Variants in CREB5 observed in about 807,000 individuals in gnomAD.
The protein encoded by CREB5 is cAMP responsive element binding protein 5, also known as cyclic AMP-responsive element-binding protein 5.
A neutral mutation model predicts 57.1 loss-of-function variants in CREB5; 19 were observed. The ratio of observed to expected loss-of-function variants is 0.33; its 90% confidence interval spans 0.23 to 0.49. The LOEUF is 0.49. Ranked by LOEUF, CREB5 falls within the 20% of genes least tolerant of loss-of-function variation. CREB5 has a pLI of 0.99. For missense variants in CREB5, 579 were observed against 671.6 expected, an observed-to-expected ratio of 0.86 and a Z score of 1.52; for synonymous variants, 238 against 238.3, an observed-to-expected ratio of 1.00 and a Z score of 0.01.
intron 1 of CREB5, among the ~76,000 whole-genome samples, chr7:28,358,242 T>G (rs546909269): frequency 6.6e-6 from 1 of 152,324 alleles, no homozygotes; most frequent in East Asian, 1.9e-4. Flanking sequence ...TCATAAACAC[T>G]GGGTTAAAAC....
chr7:28,553,444 G>A (rs779142561), intron 4 of CREB5, among the ~76,000 whole-genome samples: 26 of 152,156 alleles, frequency 1.7e-4, no homozygotes, highest in Admixed American at 6.5e-5. Context: ...ATTTGGGAAA[G>A]GAAATCAATT....
At chr7:28,560,141 A>G (rs1795021244) in intron 4 of CREB5, among the ~76,000 whole-genome samples, 1 of 152,218 alleles carries the variant, frequency 6.6e-6, no homozygotes, top group Non-Finnish European at 1.5e-5. Flanking sequence ...CATGATCCTC[A>G]TTTTGTACTT....
At chr7:28,401,805 C>A (rs1206355856) in intron 1 of CREB5, among the ~76,000 whole-genome samples, 1 of 152,218 alleles carries the variant, frequency 6.6e-6, no homozygotes, top group African/African-American at 2.4e-5. Flanking sequence ...TTAATCCAGT[C>A]TATCATTGAT....
intron 1 of CREB5, among the ~76,000 whole-genome samples, chr7:28,309,405 C>T (rs144485014): frequency 2.6e-3 from 392 of 152,268 alleles, no homozygotes; most frequent in Middle Eastern, 6.8e-3. Flanking sequence ...GATGCCATAA[C>T]CATGGCCAGT....
At chr7:28,622,074 T>C (rs914293941) in intron 5 of CREB5, among the ~76,000 whole-genome samples, 4 of 152,172 alleles carry the variant, frequency 2.6e-5, no homozygotes, top group Admixed American at 1.3e-4. Flanking sequence ...CACTGTGATA[T>C]GAAGTCATAT....
rs188979449 is a variant in CREB5 at position 28,487,277 on chromosome 7, C to T, written c.4-898C>T. Among the ~76,000 whole-genome samples, 110 of 152,210 alleles carry T rather than the reference C, an allele frequency of 7.2e-4. 2 individuals are homozygous for T. The highest frequency in any genetic ancestry group is 2.5e-3 in the African/African-American group (105 of 41,536). ...GTGCCGATTACATTAGTGATCCAAC[C>T]GCCTCAGATTAGATTACATTATCGA... On this transcript the variant is annotated intron_variant, in intron 1 of 10. Coordinates refer to ENST00000357727, the MANE Select transcript of CREB5 (RefSeq NM_182898.4).
Position 28,374,821 on chromosome 7 carries a change from C to G in CREB5, c.-25+75380C>G, listed in dbSNP as rs987939893. On this transcript the variant is annotated intron_variant, in intron 1 of 9. Coordinates refer to the CREB5 transcript ENST00000396299. Reference sequence around the variant, plus strand: ...CTCATCCCTTTGGGAATATCCATCCCAGGTTCACCTCATGCCCAGGTAGCC... The same window carrying G: ...CTCATCCCTTTGGGAATATCCATCCGAGGTTCACCTCATGCCCAGGTAGCC... Among the ~76,000 whole-genome samples, 7 of 152,292 alleles carry G rather than the reference C, an allele frequency of 4.6e-5. No homozygotes were observed. In the South Asian group the frequency reaches 8.3e-4, roughly 18 times the overall value.
chr7:28,372,900 C>A (rs1316427447), intron 1 of CREB5, among the ~76,000 whole-genome samples: 1 of 152,112 alleles, frequency 6.6e-6, no homozygotes, highest in Non-Finnish European at 1.5e-5. Flanking sequence ...AACTTGGGCT[C>A]CGGATAGCTA....
intron 7 of CREB5, among the ~76,000 whole-genome samples, chr7:28,755,952 G>A (rs956008458): frequency 1.3e-5 from 2 of 152,056 alleles, no homozygotes; most frequent in East Asian, 1.9e-4. Context: ...TGATAGTCCC[G>A]GGGTAGGGTG....
At chr7:28,729,199 A>G (rs1803483024) in intron 7 of CREB5, among the ~76,000 whole-genome samples, 1 of 152,206 alleles carries the variant, frequency 6.6e-6, no homozygotes, top group Non-Finnish European at 1.5e-5. Context: ...ACCTTCTCCA[A>G]TTCCTTCTTT....
intron 8 of CREB5, among the ~76,000 whole-genome samples, chr7:28,807,621 A>T (rs1278420194): frequency 6.6e-6 from 1 of 152,198 alleles, no homozygotes; most frequent in Non-Finnish European, 1.5e-5. Flanking sequence ...TAGTGCAATT[A>T]CAGTCATTCT....
chr7:28,627,901 T>A (rs1251974126), intron 5 of CREB5, among the ~76,000 whole-genome samples: 1 of 152,162 alleles, frequency 6.6e-6, no homozygotes, highest in Non-Finnish European at 1.5e-5. Flanking sequence ...ATTGTTATGG[T>A]GTGAGGCTGC....
chr7:28,317,178 C>T (rs1334928718), intron 1 of CREB5, among the ~76,000 whole-genome samples: 1 of 152,028 alleles, frequency 6.6e-6, no homozygotes, highest in East Asian at 1.9e-4. Context: ...GTTTCAGTTT[C>T]TCCCTGTTGC....
At chr7:28,479,456 G>T (rs1177408551) in intron 1 of CREB5, among the ~76,000 whole-genome samples, 2 of 152,250 alleles carry the variant, frequency 1.3e-5, no homozygotes, top group Non-Finnish European at 2.9e-5. Context: ...CTAACATTTA[G>T]AAAGAGAACC....
At chr7:28,300,283 T>G (rs1362830262) in intron 1 of CREB5, among the ~76,000 whole-genome samples, 1 of 152,108 alleles carries the variant, frequency 6.6e-6, no homozygotes, top group Non-Finnish European at 1.5e-5. Flanking sequence ...GAATGGGCTG[T>G]GAGAAGATAA....
intron 4 of CREB5, among the ~76,000 whole-genome samples, chr7:28,529,758 G>A (rs1208865234): frequency 6.6e-6 from 1 of 152,176 alleles, no homozygotes; most frequent in Non-Finnish European, 1.5e-5. Flanking sequence ...CACAGAGACA[G>A]CTGGAAGACT....
chr7:28,314,465 T>C (rs1218630149), intron 1 of CREB5, among the ~76,000 whole-genome samples: 1 of 152,218 alleles, frequency 6.6e-6, no homozygotes, highest in Non-Finnish European at 1.5e-5. Context: ...CTATGGAGCT[T>C]GAAAGCACGA....
Position 28,560,925 on chromosome 7 carries a change from C to CGT in CREB5, c.292-9438_292-9437dup, listed in dbSNP as rs1163419011. On this transcript the variant is annotated intron_variant, in intron 4 of 10. Transcript: ENST00000357727. ...GCGCGCGTGCGTGTGCGTGTGTGCG[C>CGT]GTGCGTGTGTGCGTGCGTGTGTGTG... Among the ~76,000 whole-genome samples the CGT allele has an allele frequency of 6.9e-3, 230 of 33,448 alleles. 26 individuals carry two copies. Among genetic ancestry groups the CGT allele is most frequent in the Non-Finnish European group, 9.8e-3 (190 of 19,314 alleles). 21.9% of individuals were successfully genotyped at this position (33,448 alleles called of 152,430 possible).
At chr7:28,783,581 A>T (rs944171122) in intron 7 of CREB5, among the ~76,000 whole-genome samples, 4 of 152,136 alleles carry the variant, frequency 2.6e-5, no homozygotes, top group African/African-American at 7.2e-5. Context: ...AAAATTTCAG[A>T]CTTTCCCTCC....
Sources: allele counts gnomAD v4.1 joint callset (sites outside exome capture counted in the v4.1 genomes callset), GRCh38; gene constraint gnomAD v4.1.1; transcripts MANE v1.5; gene names NCBI Gene and HGNC (gene_info 2026-07-23, HGNC 2026-07-21).